The following ADCK5 variants were observed in gnomAD, a reference collection of about 807,000 sequenced individuals.
The protein encoded by ADCK5 is uncharacterized aarF domain-containing protein kinase 5.
ADCK5 carries 43 observed loss-of-function variants against 64.9 expected under a neutral mutation model. The ratio of observed to expected loss-of-function variants is 0.66; its 90% CI spans 0.52 to 0.85. ADCK5 has a LOEUF of 0.85. Among genes scored for constraint, ADCK5 ranks in the 40% least tolerant of loss-of-function variants. The pLI is 0.00. For missense variants in ADCK5, 760 were observed against 810.5 expected (o/e 0.94, Z 0.76); for synonymous variants, 434 against 342.8 (o/e 1.27, Z -2.94).
intron 2 of ADCK5, among the ~76,000 whole-genome samples, chr8:144,381,315 C>G (rs1389669677): frequency 2.8e-4 from 36 of 128,912 alleles, no homozygotes; most frequent in African/African-American, 1.0e-3. Context: ...GATTATGGGC[C>G]GGGTGTAGAA....
chr8:144,385,219 C>G (rs1819861263), intron 3 of ADCK5, among the ~76,000 whole-genome samples: 1 of 147,852 alleles, frequency 6.8e-6, no homozygotes, highest in East Asian at 2.0e-4. Context: ...GAGTCTTGCT[C>G]TGTCACCCAG....
chr8:144,385,216 G>C (rs1586586106), intron 3 of ADCK5, among the ~76,000 whole-genome samples: 1 of 139,812 alleles, frequency 7.2e-6, no homozygotes, highest in Admixed American at 7.5e-5. Context: ...ACGGAGTCTT[G>C]CTCTGTCACC....
At chr8:144,381,579 A>G (rs1427210868) in intron 2 of ADCK5, among the ~76,000 whole-genome samples, 2 of 147,166 alleles carry the variant, frequency 1.4e-5, no homozygotes, top group African/African-American at 2.6e-5. Context: ...ACTCAGGATT[A>G]TGGGCCGGGT....
At chr8:144,387,211 T>G (rs1177021751) in intron 3 of ADCK5, among the ~76,000 whole-genome samples, 2 of 152,186 alleles carry the variant, frequency 1.3e-5, no homozygotes, top group African/African-American at 4.8e-5. Context: ...CAGTGTGGGT[T>G]TGTCTGATGT....
At position 144,391,727 on chromosome 8, in the gene ADCK5, C is replaced by A; in HGVS notation, c.930+16C>A. 8.4e-6 allele frequency: 13 copies of A among 1,538,478 alleles called. No homozygotes were observed. Among genetic ancestry groups the A allele is most frequent in the Non-Finnish European group, 1.0e-5 (12 of 1,147,138 alleles). On this transcript the variant is annotated intron_variant, in intron 8 of 14. Coordinates refer to ENST00000308860, the MANE Select transcript of ADCK5 (RefSeq NM_174922.5). ...GTCCAGCAAGGTGGGCTGGGCCAGG[C>A]CCTTGGGGTGGGCACAGCGCTGGGC...
Position 144,393,010 on chromosome 8 carries a change from G to C in ADCK5, c.1679G>C (p.Arg560Pro). ...ATGCGGCTGACCGCCCTCCTGGCTC[G>C]TGCTCTGGTCCACCTGAGCCTCGTG... is the stretch of plus-strand genomic sequence containing the variant. ...LAMRLTALLA[R>P]ALVHLSLVPP... The change falls in exon 15 of 15, where the codon CGT becomes CCT. Residue 560 changes from arginine to proline, a missense_variant. This residue lies in a region of ADCK5 where 333 missense variants were observed against 292.0 expected (regional missense o/e 1.14). Transcript: ENST00000308860. 3 of 1,590,632 alleles carry C rather than the reference G, an allele frequency of 1.9e-6. No individual in the cohort carries two copies. Among genetic ancestry groups the C allele is most frequent in the Non-Finnish European group, 2.6e-6 (3 of 1,172,106 alleles).
intron 1 of ADCK5, among the ~76,000 whole-genome samples, chr8:144,378,181 C>T (rs1554857499): frequency 1.3e-5 from 2 of 152,196 alleles, no homozygotes; most frequent in Non-Finnish European, 2.9e-5. Flanking sequence ...ATAGTGTTTC[C>T]ATTACGGAAT....
In ADCK5 at chr8:144,392,706, C is replaced by G; in HGVS notation, c.1520+9C>G. The stretch of plus-strand genomic sequence containing the variant: ...TTCCTTATGGCTAAAAGGTCGGTGG[C>G]CCGAGGAGGCGCCCGGGCCGTGGTG... On this transcript the variant is annotated intron_variant, in intron 13 of 14. Transcript: ENST00000308860. The G allele has an allele frequency of 4.4e-6, 7 of 1,591,080 alleles. No homozygotes were observed. Among genetic ancestry groups the G allele is most frequent in the Non-Finnish European group, 6.0e-6 (7 of 1,168,630 alleles).
At chr8:144,385,954 T>C (rs1292686499) in intron 3 of ADCK5, among the ~76,000 whole-genome samples, 2 of 150,822 alleles carry the variant, frequency 1.3e-5, no homozygotes, top group Non-Finnish European at 3.0e-5. Context: ...ACAGAGCGAC[T>C]CTCTGTCTCA....
At chr8:144,388,116 T>C (rs1820002411) in intron 3 of ADCK5, among the ~76,000 whole-genome samples, 1 of 151,896 alleles carries the variant, frequency 6.6e-6, no homozygotes, top group Non-Finnish European at 1.5e-5. Context: ...TGAAAATGCT[T>C]TGGGAGGCCG....
At chr8:144,381,678 G>C (rs1349457151) in intron 2 of ADCK5, among the ~76,000 whole-genome samples, 14 of 130,870 alleles carry the variant, frequency 1.1e-4, no homozygotes, top group African/African-American at 1.7e-4. Context: ...ACCTCCCGCA[G>C]TCAGAATTAT....
At chr8:144,382,644 A>G (rs1036429290) in intron 2 of ADCK5, among the ~76,000 whole-genome samples, 1 of 152,222 alleles carries the variant, frequency 6.6e-6, no homozygotes, top group East Asian at 1.9e-4. Context: ...CATGCGACTC[A>G]GCACGTGCCG....
rs782790319 is a variant in ADCK5 at position 144,379,507 on chromosome 8, G to A, written c.116+17G>A. ...TCCTCCAAGGTAACGAGTCCTCCAC[G>A]GGCATGCGCCTCTCACCCAGGCAGG... On this transcript the variant is annotated intron_variant, in intron 2 of 14. Transcript: ENST00000308860. 7.7e-6 allele frequency: 12 copies of A among 1,564,750 alleles called. No individual in the cohort carries two copies. The highest frequency in any genetic ancestry group is 2.7e-5 in the African/African-American group (2 of 73,322).
At chr8:144,386,444 A>G (rs1324630241) in intron 3 of ADCK5, among the ~76,000 whole-genome samples, 9 of 150,126 alleles carry the variant, frequency 6.0e-5, no homozygotes, top group African/African-American at 2.0e-4. Context: ...TGCAACCTCC[A>G]TCTCCCGGGT....
chr8:144,375,727 G>GCAGA, intron 1 of ADCK5: 1 of 887,044 alleles, frequency 1.1e-6, no homozygotes, highest in Non-Finnish European at 1.4e-6. Flanking sequence ...TTCCGTTTGT[G>GCAGA]CAGACAGACT....
Position 144,392,122 on chromosome 8 carries a change from C to A in ADCK5, c.1127C>A (p.Ala376Glu). Residue 376 changes from alanine to glutamate, a missense_variant, in exon 11 of 15, where the codon GCG becomes GAG. Coordinates refer to ENST00000308860, the MANE Select transcript of ADCK5 (RefSeq NM_174922.5). ...GTGCGGAAAGGCCCGGACGGGAAAG[C>A]GGAGCTGGTGCTGCTGGACCACGGG... ...VLVRKGPDGK[A>E]ELVLLDHGLY... The A allele has an allele frequency of 7.0e-7, 1 of 1,430,158 alleles. No individual in the cohort carries two copies. Among genetic ancestry groups the A allele is most frequent in the South Asian group, 1.1e-5 (1 of 88,690 alleles). The allele number at this position is 1,430,158 out of a possible 1,614,324, so 88.6% of individuals were successfully genotyped here.
At position 144,383,178 on chromosome 8, in the gene ADCK5, C is replaced by T. The variant is rs369954772; in HGVS notation, c.214C>T (p.Arg72Trp). ...AGCCCGCTATGTCATGGCAGAGGCA[C>T]GGGAGAAGAGGAGGATGCGGCTCGT... ...LGARYVMAEA[R>W]EKRRMRLVVD... is the part of the protein sequence containing the mutation. The change falls in exon 3 of 15, where the codon CGG (arginine) becomes TGG (tryptophan). Residue 72 changes from arginine (R) to tryptophan (W), a missense_variant. This residue lies in a region of ADCK5 where 427 missense variants were observed against 518.4 expected (regional missense o/e 0.82). Coordinates refer to ENST00000308860, the MANE Select transcript of ADCK5 (RefSeq NM_174922.5). The T allele has an allele frequency of 3.1e-5, 50 of 1,601,064 alleles. No homozygotes were observed. Among genetic ancestry groups the T allele is most frequent in the African/African-American group, 2.8e-4 (21 of 74,888 alleles).
At chr8:144,392,378 A>G (rs1554861189) in intron 12 of ADCK5, 33 bp downstream of exon 12, 10 of 1,403,166 alleles carry the variant, frequency 7.1e-6, no homozygotes, top group Non-Finnish European at 9.6e-6. Flanking sequence ...GGGGCACCAC[A>G]GAAGGGAGTC....
intron 1 of ADCK5, chr8:144,375,619 T>C: frequency 2.0e-6 from 2 of 985,488 alleles, no homozygotes; most frequent in Non-Finnish European, 2.4e-6. Flanking sequence ...CCTTTGGTTG[T>C]GAACTTCATG....
Sources: allele counts gnomAD v4.1 joint callset (sites outside exome capture counted in the v4.1 genomes callset), GRCh38; gene constraint gnomAD v4.1.1; regional missense constraint gnomAD v4.1.1; transcripts MANE v1.5; gene names NCBI Gene and HGNC (gene_info 2026-07-23, HGNC 2026-07-21).